The following CYFIP1 variants were observed in gnomAD, a reference collection of about 807,000 sequenced individuals.
CYFIP1 encodes the protein cytoplasmic FMR1-interacting protein 1.
In CYFIP1, 58 loss-of-function variants were observed where a neutral mutation model predicts 163.5. That is an observed-to-expected ratio of 0.35 (90% CI 0.29 to 0.44). The LOEUF (loss-of-function observed/expected upper bound fraction) is 0.44. Ranked by LOEUF, CYFIP1 falls within the 20% of genes least tolerant of loss-of-function variation. The pLI, the probability that CYFIP1 is intolerant of heterozygous loss-of-function variation, is 1.00. For synonymous variants in CYFIP1, 663 were observed against 660.7 expected, an observed-to-expected ratio of 1.00 and a Z score of -0.05; for missense variants, 1,338 against 1,653.8, an observed-to-expected ratio of 0.81 and a Z score of 3.31.
intron 1 of CYFIP1, 35 bp from the exon 2 acceptor site, chr15:22,947,326 G>A: frequency 1.3e-6 from 2 of 1,598,684 alleles, no homozygotes; most frequent in Non-Finnish European, 1.7e-6. Flanking sequence ...GTTCTGTGAG[G>A]AGAAGGAGGG....
At chr15:22,943,124 G>A in intron 6 of CYFIP1, 49 bp downstream of exon 6, 4 of 1,581,192 alleles carry the variant, frequency 2.5e-6, no homozygotes, top group Non-Finnish European at 2.6e-6. Context: ...GCAGGCCACT[G>A]AGCTGGGTGC....
intron 9 of CYFIP1, 85 bp from the exon 10 acceptor site, chr15:22,933,978 T>C: frequency 1.1e-6 from 1 of 922,364 alleles, no homozygotes; most frequent in Non-Finnish European, 1.7e-6. Flanking sequence ...CTAATGCTAA[T>C]AATTACTTCG....
At chr15:22,936,151 A>G (rs913876646) in intron 9 of CYFIP1, among the ~76,000 whole-genome samples, 16 of 152,100 alleles carry the variant, frequency 1.1e-4, no homozygotes, top group African/African-American at 3.6e-4. Flanking sequence ...AAGCACCTGT[A>G]GTCCCAGCTA....
chr15:22,967,286 C>G, intron 1 of CYFIP1, among the ~76,000 whole-genome samples: 1 of 152,146 alleles, frequency 6.6e-6, no homozygotes, highest in East Asian at 1.9e-4. Flanking sequence ...GTGACAATGG[C>G]CTGGACGGGG....
intron 1 of CYFIP1, among the ~76,000 whole-genome samples, chr15:22,973,148 C>T (rs1396913503): frequency 1.3e-5 from 2 of 151,840 alleles, no homozygotes; most frequent in Admixed American, 1.3e-4. Context: ...AAAAACAAAA[C>T]AACAACCAAC....
At chr15:22,905,413 A>G (rs1810130774) in intron 21 of CYFIP1, 1 of 151,972 alleles carries the variant, frequency 6.6e-6, no homozygotes, top group South Asian at 2.1e-4. Context: ...GATGATGATC[A>G]TCTGAGAACA....
At chr15:22,977,918 C>T (rs778465805) in intron 1 of CYFIP1, among the ~76,000 whole-genome samples, 11 of 152,152 alleles carry the variant, frequency 7.2e-5, no homozygotes, top group Non-Finnish European at 1.3e-4. Context: ...AACCCAAAGT[C>T]ACCTTTAGCA....
At chr15:22,956,366 A>C (rs977327901) in intron 1 of CYFIP1, among the ~76,000 whole-genome samples, 1 of 152,202 alleles carries the variant, frequency 6.6e-6, no homozygotes, top group Non-Finnish European at 1.5e-5. Context: ...TTGAAAATGA[A>C]AAAAGACACT....
chr15:22,978,216 G>C (rs1049675187), intron 1 of CYFIP1, among the ~76,000 whole-genome samples: 3 of 151,828 alleles, frequency 2.0e-5, no homozygotes, highest in Non-Finnish European at 4.4e-5. Flanking sequence ...GCCGGGTGTG[G>C]TGGTGCGTGC....
Position 22,867,344 on chromosome 15 carries a change from A to G in CYFIP1, c.*2684T>C. 2.5e-6 allele frequency: 1 copy of G among 394,716 alleles called. No individual in the cohort carries two copies. 24.5% of individuals were successfully genotyped at this position (394,716 alleles called of 1,614,324 possible). ...TGGTTTTATTTTTGAAATATTTATT[A>G]AGGGAAAACTAAGTTACTGAATGAA... On this transcript the variant is annotated 3_prime_UTR_variant, in exon 31 of 31. Coordinates refer to ENST00000617928, the MANE Select transcript of CYFIP1 (RefSeq NM_014608.6).
intron 17 of CYFIP1, among the ~76,000 whole-genome samples, chr15:22,913,757 C>G (rs1401199989): frequency 1.3e-5 from 2 of 152,134 alleles, no homozygotes; most frequent in African/African-American, 2.4e-5. Context: ...GAGGCCCATG[C>G]CTGAAGGAGG....
At chr15:22,940,844 A>C (rs981890877) in intron 6 of CYFIP1, among the ~76,000 whole-genome samples, 12 of 152,200 alleles carry the variant, frequency 7.9e-5, no homozygotes, top group African/African-American at 2.9e-4. Context: ...GTTCAACACC[A>C]GCCTGGCCAA....
intron 21 of CYFIP1, among the ~76,000 whole-genome samples, chr15:22,906,729 T>G (rs554564402): frequency 6.6e-6 from 1 of 152,290 alleles, no homozygotes; most frequent in African/African-American, 2.4e-5. Context: ...CCTCCCAAAG[T>G]GCTGGGATTA....
chr15:22,979,395 G>C (rs535969282), intron 1 of CYFIP1, among the ~76,000 whole-genome samples: 2 of 152,192 alleles, frequency 1.3e-5, no homozygotes, highest in South Asian at 2.1e-4. Context: ...GGAGTCCGAC[G>C]GACGACTGCA....
chr15:22,976,563 G>T (rs2063288704), intron 1 of CYFIP1, among the ~76,000 whole-genome samples: 1 of 130,984 alleles, frequency 7.6e-6, no homozygotes, highest in African/African-American at 2.5e-5. Context: ...ACAGTCAACT[G>T]CCCTCCAAAA....
chr15:22,956,689 G>A (rs1423317735), intron 1 of CYFIP1, among the ~76,000 whole-genome samples: 3 of 152,136 alleles, frequency 2.0e-5, no homozygotes, highest in African/African-American at 2.4e-5. Context: ...GGGAACGGGT[G>A]GCCACACCAT....
intron 1 of CYFIP1, among the ~76,000 whole-genome samples, chr15:22,964,228 G>A (rs1336916599): frequency 7.1e-6 from 1 of 140,422 alleles, no homozygotes; most frequent in Non-Finnish European, 1.5e-5. Context: ...CTTAAAATAT[G>A]TGAACCCTAC....
intron 22 of CYFIP1, among the ~76,000 whole-genome samples, chr15:22,900,169 A>G (rs1427563012): frequency 1.3e-5 from 2 of 152,178 alleles, no homozygotes; most frequent in Non-Finnish European, 2.9e-5. Flanking sequence ...CCTTGACCCA[A>G]TATGACTGAA....
intron 11 of CYFIP1, among the ~76,000 whole-genome samples, chr15:22,931,686 GAAA>G (rs766177290): frequency 7.1e-4 from 28 of 39,710 alleles, no homozygotes; most frequent in South Asian, 2.0e-3. Flanking sequence ...ATGTTTTTCT[GAAA>G]AAAAAAAAAA....
Sources: allele counts gnomAD v4.1 joint callset (sites outside exome capture counted in the v4.1 genomes callset), GRCh38; gene constraint gnomAD v4.1.1; transcripts MANE v1.5; gene names NCBI Gene and HGNC (gene_info 2026-07-23, HGNC 2026-07-21).